AOAH: variants seen among roughly 807,000 people sequenced by gnomAD.
AOAH encodes acyloxyacyl hydrolase.
A neutral mutation model predicts 92.2 loss-of-function variants in AOAH; 64 were observed. The ratio of observed to expected loss-of-function variants is 0.69; its 90% confidence interval spans 0.57 to 0.86. The LOEUF (loss-of-function observed/expected upper bound fraction) is 0.86, where lower values mean the gene tolerates loss of function less well. Ranked by LOEUF, AOAH falls within the 40% of genes least tolerant of loss-of-function variation. The pLI, the probability that AOAH is intolerant of heterozygous loss-of-function variation, is 0.00. For missense variants in AOAH, 656 were observed against 694.6 expected, an observed-to-expected ratio of 0.94 and a Z score of 0.62; for synonymous variants, 263 against 254.5, an observed-to-expected ratio of 1.03 and a Z score of -0.32.
chr7:36,672,383 C>A (rs1795990613), intron 3 of AOAH, among the ~76,000 whole-genome samples: 1 of 152,122 alleles, frequency 6.6e-6, no homozygotes, highest in Admixed American at 6.5e-5. Flanking sequence ...AAATGCCCAT[C>A]AATGATAGAC....
At chr7:36,531,373 G>A (rs1784681392) in intron 18 of AOAH, among the ~76,000 whole-genome samples, 1 of 152,070 alleles carries the variant, frequency 6.6e-6, no homozygotes, top group South Asian at 2.1e-4. Flanking sequence ...TTGAGACAGG[G>A]TCTTGCTCTG....
chr7:36,720,138 A>G (rs900821092), intron 1 of AOAH, among the ~76,000 whole-genome samples: 2 of 144,276 alleles, frequency 1.4e-5, no homozygotes, highest in South Asian at 2.3e-4. Context: ...AGAATTCTAA[A>G]GTTTTTTTTT....
chr7:36,594,484 G>T, intron 11 of AOAH, 54 bp from the exon 12 acceptor site: 1 of 1,472,302 alleles, frequency 6.8e-7, no homozygotes, highest in Non-Finnish European at 9.5e-7. Flanking sequence ...TTTTCTAAAG[G>T]TAGTAAGAAA....
At chr7:36,716,076 T>C (rs1799146257) in intron 1 of AOAH, among the ~76,000 whole-genome samples, 1 of 152,114 alleles carries the variant, frequency 6.6e-6, no homozygotes, top group Admixed American at 6.5e-5. Context: ...AACCTACTCA[T>C]CTGACAAAGG....
At chr7:36,540,131 ATCTGATTCGGC>A (rs144072562) in intron 16 of AOAH, among the ~76,000 whole-genome samples, 177 bp downstream of exon 16, 2,090 of 152,246 alleles carry the variant, frequency 0.014, 51 homozygotes, top group African/African-American at 0.046. Context: ...CTGCCTTTGG[ATCTGATTCGGC>A]TCACCTCTGG....
intron 13 of AOAH, among the ~76,000 whole-genome samples, chr7:36,568,802 C>T (rs10275728): frequency 0.36 from 54,191 of 151,906 alleles, 10,307 homozygotes; most frequent in Non-Finnish European, 0.43. Context: ...CATATGCTGG[C>T]CTGAATTGTG....
At chr7:36,592,210 A>G (rs943416418) in intron 12 of AOAH, among the ~76,000 whole-genome samples, 6 of 152,198 alleles carry the variant, frequency 3.9e-5, no homozygotes, top group Non-Finnish European at 5.9e-5. Context: ...GGGCATTTAA[A>G]CATATATATT....
In AOAH at chr7:36,614,708, A is replaced by C. The variant is rs1434619543; in HGVS notation, c.846+1672T>G. On this transcript the variant is annotated intron_variant, in intron 11 of 20. Coordinates refer to ENST00000617537, the MANE Select transcript of AOAH (RefSeq NM_001637.4). This position sits in a 1 kb window ranked among gnomAD's most constrained non-coding sequence, Gnocchi z 4.2. Reference sequence around the variant, plus strand: ...TTTTGGGAATCTGGGCACAGGCAAGAGGAAGATTGGGGTTGGGCATGGTGG... The same window carrying C: ...TTTTGGGAATCTGGGCACAGGCAAGCGGAAGATTGGGGTTGGGCATGGTGG... 1.3e-5 allele frequency among the ~76,000 whole-genome samples: 2 copies of C among 152,202 alleles called. No individual in the cohort carries two copies. The highest frequency in any genetic ancestry group is 4.8e-5 in the African/African-American group (2 of 41,450).
chr7:36,685,733 C>T (rs571274225), intron 2 of AOAH, among the ~76,000 whole-genome samples: 3 of 152,160 alleles, frequency 2.0e-5, no homozygotes, highest in African/African-American at 7.2e-5. Context: ...TTTAACTTCA[C>T]AAAAGAAAGA....
At chr7:36,604,904 C>T (rs1412533240) in intron 11 of AOAH, among the ~76,000 whole-genome samples, 4 of 152,210 alleles carry the variant, frequency 2.6e-5, no homozygotes, top group Non-Finnish European at 5.9e-5. Flanking sequence ...GAGACCATGA[C>T]CTCTTTGCTG....
intron 4 of AOAH, among the ~76,000 whole-genome samples, chr7:36,648,564 G>A (rs1794377752): frequency 6.7e-6 from 1 of 149,796 alleles, no homozygotes; most frequent in South Asian, 2.1e-4. Flanking sequence ...AGATGTATTA[G>A]TATTTCCCTT....
chr7:36,670,072 T>TTTTTTTTTTC (rs1795821089), intron 3 of AOAH, among the ~76,000 whole-genome samples: 1 of 152,062 alleles, frequency 6.6e-6, no homozygotes, highest in Non-Finnish European at 1.5e-5. Flanking sequence ...TTTTGTTTTT[T>TTTTTTTTTTC]TTTTTTAACA....
rs1348157891 is a variant in AOAH at position 36,678,596 on chromosome 7, TGTGTGC to T, written c.224-4593_224-4588del. On this transcript the variant is annotated intron_variant, in intron 2 of 20. Transcript: ENST00000617537. ...GTGTGTGTGTGTGTGTGTGTGTGTG[TGTGTGC>T]GCGCGCGCGCGCGTTAGAATTCTGT... Among the ~76,000 whole-genome samples, 205 of 138,140 alleles carry T rather than the reference TGTGTGC, an allele frequency of 1.5e-3. 1 individual carries two copies. The highest frequency in any genetic ancestry group is 4.9e-3 in the African/African-American group (180 of 36,748). 90.6% of individuals were successfully genotyped at this position (138,140 alleles called of 152,430 possible).
At chr7:36,693,581 A>G (rs1032822957) in intron 1 of AOAH, among the ~76,000 whole-genome samples, 2 of 152,160 alleles carry the variant, frequency 1.3e-5, no homozygotes, top group African/African-American at 2.4e-5. Context: ...ATTGATCTCA[A>G]TACTAAAAAC....
At chr7:36,518,308 C>A (rs1336828052) in intron 20 of AOAH, among the ~76,000 whole-genome samples, 1 of 152,036 alleles carries the variant, frequency 6.6e-6, no homozygotes, top group Non-Finnish European at 1.5e-5. Context: ...CTCCCAAGTT[C>A]AAGCAATTCT....
intron 1 of AOAH, among the ~76,000 whole-genome samples, chr7:36,699,146 A>G (rs1052512828): frequency 7.2e-5 from 11 of 151,882 alleles, no homozygotes; most frequent in Admixed American, 7.2e-4. Flanking sequence ...TTCATTCTTT[A>G]TTGCGGTGGA....
At chr7:36,514,664 G>T in intron 20 of AOAH, 1 of 1,065,174 alleles carries the variant, frequency 9.4e-7, no homozygotes, top group African/African-American at 1.6e-5. Context: ...CATCTCAACA[G>T]TGGTTTTCAA....
chr7:36,542,687 A>C (rs1785492202), intron 15 of AOAH, among the ~76,000 whole-genome samples: 5 of 152,260 alleles, frequency 3.3e-5, no homozygotes, highest in African/African-American at 1.2e-4. Context: ...AAAAATGTAC[A>C]TACGAATATT....
intron 1 of AOAH, among the ~76,000 whole-genome samples, chr7:36,702,989 T>C (rs1178897538): frequency 6.6e-6 from 1 of 152,164 alleles, no homozygotes; most frequent in Non-Finnish European, 1.5e-5. Flanking sequence ...TCCTTTGTCA[T>C]CATTTCAGCA....
Sources: gnomAD v4.1 joint callset for allele counts (sites outside exome capture counted in the v4.1 genomes callset) on GRCh38, gnomAD v4.1.1 for gene constraint, Gnocchi (gnomAD v3.1) non-coding constraint, MANE v1.5 for transcripts, NCBI Gene and HGNC (gene_info 2026-07-23, HGNC 2026-07-21) for gene names.